Variants in NCKAP5 observed in about 807,000 individuals in gnomAD.
NCKAP5 encodes the protein NCK associated protein 5, also known as nck-associated protein 5.
NCKAP5 carries 92 observed loss-of-function variants against 167.0 expected under a neutral mutation model. The observed-to-expected ratio is 0.55, with a 90% CI of 0.47 to 0.66. The LOEUF (loss-of-function observed/expected upper bound fraction) is 0.66, where lower values mean the gene tolerates loss of function less well. Ranked by LOEUF, NCKAP5 falls within the 30% of genes least tolerant of loss-of-function variation. The pLI is 0.00. For synonymous variants in NCKAP5, 891 were observed against 877.4 expected (o/e 1.02, Z -0.27); for missense variants, 2,378 against 2,315.0 (o/e 1.03, Z -0.56).
At position 132,725,689 on chromosome 2, in the gene NCKAP5, C is replaced by G. The variant is rs1690386782; in HGVS notation, c.5651G>C (p.Gly1884Ala). ...GSNSDSDLDY[G>A]DNGFGAGRGQ... ...CCTTCCAGCTCCAAAACCATTATCTCCATAGTCCAGGTCACTGTCACTATT... is the reference window on the plus strand; with the variant it reads ...CCTTCCAGCTCCAAAACCATTATCTGCATAGTCCAGGTCACTGTCACTATT... The change falls in exon 19 of 20, where the codon GGA becomes GCA. Residue 1884 changes from glycine to alanine, a missense_variant. Transcript: ENST00000409261. 1 of 1,613,326 alleles carries G rather than the reference C, an allele frequency of 6.2e-7. No homozygotes were observed. The highest frequency in any genetic ancestry group is 8.5e-7 in the Non-Finnish European group (1 of 1,179,662).
At chr2:133,656,566 C>G in the NCKAP5 span, among the ~76,000 whole-genome samples, 1 of 152,136 alleles carries the variant, frequency 6.6e-6, no homozygotes, top group East Asian at 1.9e-4. Flanking sequence ...ATTCCTAACC[C>G]CTCTCCTCCT....
At chr2:133,470,340 G>A (rs1225260299) in intron 3 of NCKAP5, among the ~76,000 whole-genome samples, 2 of 152,162 alleles carry the variant, frequency 1.3e-5, no homozygotes, top group Non-Finnish European at 2.9e-5. Context: ...AGGGGTCAGG[G>A]ACCCACTTGA....
intron 6 of NCKAP5, among the ~76,000 whole-genome samples, chr2:133,018,827 A>C (rs1024588801): frequency 5.9e-5 from 9 of 152,194 alleles, no homozygotes; most frequent in African/African-American, 2.2e-4. Context: ...TCTCAAAAAG[A>C]AGCCAGTTCA....
At chr2:132,684,409 G>T (rs1164140653) in intron 19 of NCKAP5, among the ~76,000 whole-genome samples, 3 of 152,108 alleles carry the variant, frequency 2.0e-5, no homozygotes, top group Non-Finnish European at 4.4e-5. Flanking sequence ...AAGTTCACAG[G>T]GTCTTTACAT....
At chr2:133,671,214 CAAAAAAAA>C in the NCKAP5 span, among the ~76,000 whole-genome samples, 8 of 53,988 alleles carry the variant, frequency 1.5e-4, no homozygotes, top group African/African-American at 1.9e-4. Context: ...GACTCCGTCT[CAAAAAAAA>C]AAAAAAAAAA....
intron 16 of NCKAP5, among the ~76,000 whole-genome samples, chr2:132,737,756 G>A (rs1438832302): frequency 6.6e-6 from 1 of 152,138 alleles, no homozygotes; most frequent in Non-Finnish European, 1.5e-5. Context: ...GCTTGCAAGA[G>A]GCACACTGTT....
At chr2:133,311,934 C>A (rs533907996) in intron 3 of NCKAP5, among the ~76,000 whole-genome samples, 1 of 152,242 alleles carries the variant, frequency 6.6e-6, no homozygotes, top group African/African-American at 2.4e-5. Flanking sequence ...AATGACATTC[C>A]AAACTATTGA....
At chr2:132,994,268 TA>T in intron 6 of NCKAP5, 29 bp from the exon 7 acceptor site, 1 of 1,494,458 alleles carries the variant, frequency 6.7e-7, no homozygotes, top group South Asian at 1.2e-5. Flanking sequence ...AAGAATTTCT[TA>T]AAGAAGGTTT....
chr2:133,195,334 A>T (rs913617967), intron 5 of NCKAP5, among the ~76,000 whole-genome samples: 1 of 152,012 alleles, frequency 6.6e-6, no homozygotes, highest in Non-Finnish European at 1.5e-5. Context: ...AATTGAGTGA[A>T]AGCACTTTTC....
chr2:132,880,936 C>G (rs1691697978), intron 8 of NCKAP5, among the ~76,000 whole-genome samples: 2 of 152,100 alleles, frequency 1.3e-5, no homozygotes. Flanking sequence ...CATGTGTTTC[C>G]TCATAACAAA....
In NCKAP5 at chr2:132,782,273, C is replaced by T. The variant is rs772683808; in HGVS notation, c.4538G>A (p.Arg1513Gln). 15 of 1,613,882 alleles carry T rather than the reference C, an allele frequency of 9.3e-6. No individual in the cohort carries two copies. The highest frequency in any genetic ancestry group is 2.2e-5 in the East Asian group (1 of 44,884). Reference protein sequence around the residue: ...GPSFASWFGFRKSRLPALSSR... With the variant: ...GPSFASWFGFQKSRLPALSSR... ...ACTCAGAGCTGGAAGTCTACTCTTC[C>T]GAAAACCAAACCAGCTGGCAAAAGA... Residue 1513 changes from arginine (R) to glutamine (Q), a missense_variant, in exon 14 of 20, where the codon CGG becomes CAG. Arg to Gln is a conservative substitution (Grantham distance 43). Coordinates refer to ENST00000409261, the MANE Select transcript of NCKAP5 (RefSeq NM_207363.3).
chr2:133,332,314 G>A (rs1196406098), intron 3 of NCKAP5, among the ~76,000 whole-genome samples: 1 of 151,928 alleles, frequency 6.6e-6, no homozygotes, highest in African/African-American at 2.4e-5. Flanking sequence ...AATAAATACG[G>A]CAAGCCTCCA....
intron 8 of NCKAP5, among the ~76,000 whole-genome samples, chr2:132,928,634 A>T (rs1696106707): frequency 6.6e-6 from 1 of 152,196 alleles, no homozygotes; most frequent in Non-Finnish European, 1.5e-5. Flanking sequence ...GTCCAGGAAG[A>T]CAAATGAGCT....
chr2:133,647,614 G>A, the NCKAP5 span, among the ~76,000 whole-genome samples: 1 of 138,792 alleles, frequency 7.2e-6, no homozygotes, highest in Non-Finnish European at 1.6e-5. Context: ...AGAGAGGAGA[G>A]ACAGAAAGAT....
At chr2:132,929,519 T>C (rs189322707) in intron 8 of NCKAP5, among the ~76,000 whole-genome samples, 95 of 152,282 alleles carry the variant, frequency 6.2e-4, no homozygotes, top group Admixed American at 2.4e-3. Context: ...ATTTTGGGAG[T>C]ACAATTTAAG....
chr2:133,470,563 T>C (rs529116095), intron 3 of NCKAP5, among the ~76,000 whole-genome samples: 1 of 152,338 alleles, frequency 6.6e-6, no homozygotes, highest in East Asian at 1.9e-4. Context: ...CTGGCTGCTT[T>C]GTTTACCTAA....
intron 2 of NCKAP5, among the ~76,000 whole-genome samples, chr2:133,547,336 A>C (rs953980283): frequency 6.6e-6 from 1 of 152,198 alleles, no homozygotes; most frequent in African/African-American, 2.4e-5. Context: ...TGATTAGGTA[A>C]ACAAAGCAGC....
At chr2:133,133,437 G>A (rs796640123) in intron 5 of NCKAP5, among the ~76,000 whole-genome samples, 6 of 152,204 alleles carry the variant, frequency 3.9e-5, no homozygotes, top group African/African-American at 1.4e-4. Flanking sequence ...TTTCTCTTTG[G>A]CTTCTCTTAG....
chr2:133,415,889 C>T (rs143705368), intron 3 of NCKAP5, among the ~76,000 whole-genome samples: 119 of 152,240 alleles, frequency 7.8e-4, no homozygotes, highest in Non-Finnish European at 1.2e-3. Context: ...AGATCAAATG[C>T]GGTTTTGATT....
Sources: allele counts gnomAD v4.1 joint callset (sites outside exome capture counted in the v4.1 genomes callset), GRCh38; gene constraint gnomAD v4.1.1; transcripts MANE v1.5; gene names NCBI Gene and HGNC (gene_info 2026-07-23, HGNC 2026-07-21).